Variants in BCAR3 observed in about 807,000 individuals in gnomAD.
BCAR3 encodes the protein breast cancer anti-estrogen resistance protein 3.
BCAR3 carries 37 observed loss-of-function variants against 80.1 expected under a neutral mutation model. That is an observed-to-expected ratio of 0.46 (90% CI 0.36 to 0.61). The LOEUF (loss-of-function observed/expected upper bound fraction) is 0.61. BCAR3 is among the 20% of genes least tolerant of loss of function. The pLI, the probability that BCAR3 is intolerant of heterozygous loss-of-function variation, is 0.00. For missense variants in BCAR3, 978 were observed against 1,068.2 expected, an observed-to-expected ratio of 0.92 and a Z score of 1.18; for synonymous variants, 389 against 418.9, an observed-to-expected ratio of 0.93 and a Z score of 0.87.
chr1:93,845,886 C>T (rs957541152), intron 1 of BCAR3, among the ~76,000 whole-genome samples: 6 of 152,152 alleles, frequency 3.9e-5, no homozygotes, highest in Non-Finnish European at 7.3e-5. Context: ...AATGGTGATA[C>T]TCTGGCTATT....
chr1:93,725,706 A>G (rs957998546), intron 2 of BCAR3, among the ~76,000 whole-genome samples: 1 of 152,208 alleles, frequency 6.6e-6, no homozygotes, highest in African/African-American at 2.4e-5. Flanking sequence ...ATTCTTCAGT[A>G]TTCTCTCTAA....
chr1:93,667,397 A>G (rs1488656551), intron 2 of BCAR3, among the ~76,000 whole-genome samples: 3 of 151,820 alleles, frequency 2.0e-5, no homozygotes, highest in Non-Finnish European at 4.4e-5. Flanking sequence ...CCTTCATAGC[A>G]CTTCTCGGAT....
intron 2 of BCAR3, among the ~76,000 whole-genome samples, chr1:93,757,254 A>G (rs1651778325): frequency 6.6e-6 from 1 of 152,164 alleles, no homozygotes; most frequent in Admixed American, 6.5e-5. Flanking sequence ...CCGGCCAAAG[A>G]AGTTGGGCCA....
chr1:93,823,949 C>T lies in BCAR3; in HGVS notation c.-63+21618G>A, dbSNP rs1230015961. ...TCCTGACCTCGTGATCCACCCTCCT[C>T]GGCCTCCCAAAGTGCTAGGATTACA... On this transcript the variant is annotated intron_variant, in intron 2 of 13. Coordinates refer to the BCAR3 transcript ENST00000370244. Among the ~76,000 whole-genome samples, 4 of 133,702 alleles carry T rather than the reference C, an allele frequency of 3.0e-5. 1 individual carries two copies. Among genetic ancestry groups the T allele is most frequent in the Non-Finnish European group, 6.8e-5 (4 of 59,186 alleles). 87.7% of individuals were successfully genotyped at this position (133,702 alleles called of 152,430 possible).
At chr1:93,671,183 T>C (rs1249153836) in intron 2 of BCAR3, among the ~76,000 whole-genome samples, 1 of 151,994 alleles carries the variant, frequency 6.6e-6, no homozygotes, top group Non-Finnish European at 1.5e-5. Flanking sequence ...TTAGTAGAGA[T>C]GGGGTTTCGT....
intron 2 of BCAR3, among the ~76,000 whole-genome samples, chr1:93,751,065 C>A (rs917597174): frequency 1.3e-5 from 2 of 152,176 alleles, no homozygotes; most frequent in African/African-American, 4.8e-5. Flanking sequence ...ACCAAACGCC[C>A]GGCACACCGG....
At chr1:93,840,421 C>T (rs1303013532) in intron 2 of BCAR3, among the ~76,000 whole-genome samples, 7 of 152,242 alleles carry the variant, frequency 4.6e-5, no homozygotes, top group South Asian at 2.1e-4. Context: ...TGGTGTGATG[C>T]GTTATTACTT....
intron 3 of BCAR3, among the ~76,000 whole-genome samples, chr1:93,598,634 CA>C (rs1674518765): frequency 6.6e-6 from 1 of 152,212 alleles, no homozygotes; most frequent in Admixed American, 6.5e-5. Context: ...TAACACATTC[CA>C]AGCTCTAGAA....
chr1:93,728,753 C>A (rs950459919), intron 2 of BCAR3, among the ~76,000 whole-genome samples: 4 of 152,206 alleles, frequency 2.6e-5, no homozygotes, highest in Non-Finnish European at 4.4e-5. Flanking sequence ...TGACATCGAG[C>A]CACTTGTGTC....
intron 3 of BCAR3, among the ~76,000 whole-genome samples, chr1:93,630,851 T>G (rs1570987017): frequency 6.6e-6 from 1 of 152,292 alleles, no homozygotes; most frequent in East Asian, 1.9e-4. Context: ...GTATTCACTG[T>G]TTAATCCCCG....
intron 2 of BCAR3, among the ~76,000 whole-genome samples, chr1:93,643,545 C>CAAAAAAAAA (rs547667389): frequency 1.3e-4 from 3 of 22,280 alleles, no homozygotes; most frequent in Non-Finnish European, 1.9e-4. Context: ...GACTCTTTCT[C>CAAAAAAAAA]AAAAAAAAAA....
At chr1:93,785,723 A>C (rs1652913417) in intron 2 of BCAR3, among the ~76,000 whole-genome samples, 1 of 152,216 alleles carries the variant, frequency 6.6e-6, no homozygotes, top group Non-Finnish European at 1.5e-5. Context: ...GTACTTTCCA[A>C]AGATGGCTGC....
At chr1:93,817,070 G>A (rs1654047430) in intron 2 of BCAR3, among the ~76,000 whole-genome samples, 1 of 152,184 alleles carries the variant, frequency 6.6e-6, no homozygotes, top group Admixed American at 6.5e-5. Flanking sequence ...CTGCTTCTCA[G>A]CCATCTGTTT....
intron 2 of BCAR3, among the ~76,000 whole-genome samples, chr1:93,777,191 T>G (rs1652580093): frequency 6.6e-6 from 1 of 152,218 alleles, no homozygotes; most frequent in South Asian, 2.1e-4. Context: ...TTTTGATTTC[T>G]GATTTCAGCC....
At chr1:93,598,662 G>A (rs1674519679) in intron 3 of BCAR3, among the ~76,000 whole-genome samples, 1 of 152,168 alleles carries the variant, frequency 6.6e-6, no homozygotes, top group African/African-American at 2.4e-5. Flanking sequence ...TGCTTGTCCT[G>A]CCATCTGCTC....
intron 2 of BCAR3, among the ~76,000 whole-genome samples, chr1:93,833,580 A>G (rs747558386): frequency 4.6e-5 from 7 of 152,184 alleles, no homozygotes; most frequent in Admixed American, 2.6e-4. Flanking sequence ...CTGGGAATGC[A>G]TTCTTTTCCC....
intron 3 of BCAR3, among the ~76,000 whole-genome samples, chr1:93,614,998 C>T (rs1282941411): frequency 6.1e-5 from 9 of 147,918 alleles, no homozygotes; most frequent in South Asian, 2.1e-4. Context: ...GGATGCTCAA[C>T]GAGTTCTTTT....
intron 2 of BCAR3, among the ~76,000 whole-genome samples, chr1:93,758,894 G>A (rs1429763335): frequency 6.6e-6 from 1 of 152,226 alleles, no homozygotes; most frequent in Non-Finnish European, 1.5e-5. Context: ...TGTCTGCACT[G>A]TGAACCTTTC....
chr1:93,733,474 C>T (rs986197245), intron 2 of BCAR3, among the ~76,000 whole-genome samples: 1 of 152,200 alleles, frequency 6.6e-6, no homozygotes, highest in African/African-American at 2.4e-5. Flanking sequence ...AGAGGGGACA[C>T]ACAGGGCTCT....
Sources: allele counts gnomAD v4.1 joint callset (sites outside exome capture counted in the v4.1 genomes callset), GRCh38; gene constraint gnomAD v4.1.1; transcripts MANE v1.5; gene names NCBI Gene and HGNC (gene_info 2026-07-23, HGNC 2026-07-21).